The following KIF26B variants were observed in gnomAD, a reference collection of about 807,000 sequenced individuals.
KIF26B encodes kinesin family member 26B.
Under a neutral mutation model 151.2 loss-of-function variants are expected in KIF26B, and 63 were observed. That is an observed-to-expected ratio of 0.42 (90% CI 0.34 to 0.51). The LOEUF is 0.51. KIF26B is among the 20% of genes least tolerant of loss of function. The probability of loss-of-function intolerance (pLI) is 0.07; values close to 1 mark genes in which losing one functional copy is unlikely to be tolerated. For missense variants in KIF26B, 2,813 were observed against 2,913.6 expected, an observed-to-expected ratio of 0.97 and a Z score of 0.79; for synonymous variants, 1,357 against 1,262.1, an observed-to-expected ratio of 1.08 and a Z score of -1.59.
intron 2 of KIF26B, among the ~76,000 whole-genome samples, chr1:245,220,281 C>G (rs1669737930): frequency 6.6e-6 from 1 of 152,182 alleles, no homozygotes; most frequent in African/African-American, 2.4e-5. Flanking sequence ...GGGTCTGAAG[C>G]CTTCCGTGGA....
intron 4 of KIF26B, among the ~76,000 whole-genome samples, chr1:245,433,780 C>A (rs1093918): frequency 2.0e-5 from 3 of 152,060 alleles, no homozygotes; most frequent in Admixed American, 6.5e-5. Context: ...ACTGAGATTC[C>A]GGAAATATAA....
chr1:245,694,931 C>T (rs528434540), intron 12 of KIF26B, among the ~76,000 whole-genome samples: 2 of 152,196 alleles, frequency 1.3e-5, no homozygotes, highest in African/African-American at 4.8e-5. Flanking sequence ...AGAAGGGAGC[C>T]CAACCCACCG....
chr1:245,548,311 G>A (rs140167638), intron 5 of KIF26B, among the ~76,000 whole-genome samples: 31 of 152,310 alleles, frequency 2.0e-4, no homozygotes, highest in Admixed American at 1.5e-3. Flanking sequence ...TACAGTCCGT[G>A]TGAAGTCTTG....
chr1:245,244,341 T>TA lies in KIF26B; in HGVS notation c.465+87659dup, dbSNP rs1397670045. Among the ~76,000 whole-genome samples, 7 of 152,284 alleles carry TA rather than the reference T, an allele frequency of 4.6e-5. No individual in the cohort carries two copies. The highest frequency in any genetic ancestry group is 1.7e-4 in the African/African-American group (7 of 41,554). ...CATTACTCTGAAAGACAATCCAAGA[T>TA]ACGTCAGAGTCTCTTCTTGGGAAAT... is the stretch of plus-strand genomic sequence containing the variant. On this transcript the variant is annotated intron_variant, in intron 2 of 14. Coordinates refer to ENST00000407071, the MANE Select transcript of KIF26B (RefSeq NM_018012.4). This position sits in a 1 kb window ranked among gnomAD's most constrained non-coding sequence, Gnocchi z 4.2.
chr1:245,528,101 C>T (rs2103095004), intron 4 of KIF26B, among the ~76,000 whole-genome samples: 1 of 152,052 alleles, frequency 6.6e-6, no homozygotes, highest in South Asian at 2.1e-4. Context: ...TACGTGTGCA[C>T]CTAAGTGCAG....
At chr1:245,266,373 C>T (rs578092389) in intron 2 of KIF26B, among the ~76,000 whole-genome samples, 3 of 152,282 alleles carry the variant, frequency 2.0e-5, no homozygotes, top group African/African-American at 7.2e-5. Flanking sequence ...CTTTTGAAAG[C>T]AATTTATTCT....
At chr1:245,326,532 T>C (rs1396315988) in intron 2 of KIF26B, among the ~76,000 whole-genome samples, 2 of 152,196 alleles carry the variant, frequency 1.3e-5, no homozygotes, top group African/African-American at 4.8e-5. Flanking sequence ...CCACTGTTTG[T>C]TTTCCATTTC....
intron 4 of KIF26B, among the ~76,000 whole-genome samples, chr1:245,484,394 T>C (rs1032316736): frequency 3.3e-5 from 5 of 151,846 alleles, no homozygotes; most frequent in African/African-American, 1.2e-4. Context: ...AGGGGCCTGA[T>C]TGTGAGGAGT....
At chr1:245,483,018 C>T (rs557210529) in intron 4 of KIF26B, among the ~76,000 whole-genome samples, 2 of 151,672 alleles carry the variant, frequency 1.3e-5, no homozygotes, top group African/African-American at 2.4e-5. Context: ...GAGGCCCAGG[C>T]AGCAGATGCC....
chr1:245,640,714 C>T (rs919477377), intron 9 of KIF26B, among the ~76,000 whole-genome samples: 5 of 152,174 alleles, frequency 3.3e-5, no homozygotes, highest in Admixed American at 2.6e-4. Context: ...CTTACAAAAA[C>T]ATCCTGTAAT....
At chr1:245,187,791 A>G (rs555278087) in intron 2 of KIF26B, among the ~76,000 whole-genome samples, 13 of 152,336 alleles carry the variant, frequency 8.5e-5, no homozygotes, top group Admixed American at 3.3e-4. Context: ...GAGTTATTAG[A>G]ACATTTATTA....
intron 2 of KIF26B, among the ~76,000 whole-genome samples, chr1:245,288,118 G>A (rs1322218474): frequency 2.0e-5 from 3 of 152,002 alleles, no homozygotes; most frequent in Admixed American, 6.6e-5. Flanking sequence ...TTCGGAGCGA[G>A]CATTATTCCT....
chr1:245,400,278 G>A (rs1260661753), intron 3 of KIF26B, among the ~76,000 whole-genome samples: 1 of 152,114 alleles, frequency 6.6e-6, no homozygotes, highest in Admixed American at 6.5e-5. Context: ...TTTGACATAG[G>A]CTTTCTTTTT....
intron 4 of KIF26B, among the ~76,000 whole-genome samples, chr1:245,513,794 A>G (rs1558194574): frequency 1.3e-5 from 2 of 152,198 alleles, no homozygotes; most frequent in Non-Finnish European, 2.9e-5. Flanking sequence ...GTTTCTTACT[A>G]GACAGGTTGC....
intron 2 of KIF26B, among the ~76,000 whole-genome samples, chr1:245,354,361 C>G (rs578175939): frequency 6.6e-6 from 1 of 152,196 alleles, no homozygotes; most frequent in Non-Finnish European, 1.5e-5. Flanking sequence ...CCTCTGAAAC[C>G]CAGGCCAAGA....
intron 2 of KIF26B, chr1:245,206,881 A>G (rs1156853541): frequency 6.6e-6 from 1 of 152,260 alleles, no homozygotes; most frequent in Non-Finnish European, 1.5e-5. Flanking sequence ...TAAAAGTAAT[A>G]TATGCCATTG....
At chr1:245,527,474 T>C (rs1189383397) in intron 4 of KIF26B, among the ~76,000 whole-genome samples, 1 of 147,984 alleles carries the variant, frequency 6.8e-6, no homozygotes, top group East Asian at 2.0e-4. Context: ...TCATGAAAGA[T>C]AGGAATAACG....
chr1:245,581,914 CAAAG>C (rs902066558), intron 5 of KIF26B, among the ~76,000 whole-genome samples: 5 of 82,950 alleles, frequency 6.0e-5, no homozygotes, highest in African/African-American at 1.2e-4. Context: ...GAGACCCTGT[CAAAG>C]AGAGAAAGAG....
At position 245,703,588 on chromosome 1, in the gene KIF26B, A is replaced by T. The variant is rs574424734; in HGVS notation, c.*982A>T. The T allele has an allele frequency of 6.6e-6, 1 of 152,216 alleles. No homozygotes were observed. Among genetic ancestry groups the T allele is most frequent in the Admixed American group, 6.5e-5 (1 of 15,298 alleles). The allele number at this position is 152,216 out of a possible 1,614,324, so 9.4% of individuals were successfully genotyped here. A position where few individuals can be genotyped will look rare whatever the true frequency, so the allele number is the denominator to read the frequency against. ...AATCCACAGTTTGCGTGGCCCTCAAAATTCATATTCATTTTTATTCCAAAA... is the reference window on the plus strand; with the variant it reads ...AATCCACAGTTTGCGTGGCCCTCAATATTCATATTCATTTTTATTCCAAAA... On this transcript the variant is annotated 3_prime_UTR_variant, in exon 15 of 15. Coordinates refer to ENST00000407071, the MANE Select transcript of KIF26B (RefSeq NM_018012.4).
Sources: gnomAD v4.1 joint callset for allele counts (sites outside exome capture counted in the v4.1 genomes callset) on GRCh38, gnomAD v4.1.1 for gene constraint, Gnocchi (gnomAD v3.1) non-coding constraint, MANE v1.5 for transcripts, NCBI Gene and HGNC (gene_info 2026-07-23, HGNC 2026-07-21) for gene names.